The following STPG3 variants were observed in gnomAD, a reference collection of about 807,000 sequenced individuals.
STPG3 encodes protein STPG3.
Under a neutral mutation model 32.5 loss-of-function variants are expected in STPG3, and 39 were observed. That is an observed-to-expected ratio of 1.20 (90% CI 0.93 to 1.57). The LOEUF (loss-of-function observed/expected upper bound fraction) is 1.57. Ranked by LOEUF, STPG3 falls within the 40% of genes most tolerant of loss-of-function variation. STPG3 has a pLI of 0.00. For missense variants in STPG3, 507 were observed against 407.6 expected, an observed-to-expected ratio of 1.24 and a Z score of -2.10; for synonymous variants, 209 against 172.4, an observed-to-expected ratio of 1.21 and a Z score of -1.66.
In STPG3 at chr9:137,252,845, G is replaced by A; in HGVS notation, c.676G>A (p.Gly226Ser). ...GCTTCAGGCCTCTTTGCAGGCACCTGGCAAGAGATGCCCTGGCCCCAACAC... is the reference window on the plus strand; with the variant it reads ...GCTTCAGGCCTCTTTGCAGGCACCTAGCAAGAGATGCCCTGGCCCCAACAC... ...SLLQASLQAP[G>S]KRCPGPNTYN... The change falls in exon 5 of 6, where the codon GGC becomes AGC. Residue 226 changes from glycine (G) to serine (S), a missense_variant. Coordinates refer to ENST00000412566, the MANE Select transcript of STPG3 (RefSeq NM_001004353.4). 3 of 1,575,452 alleles carry A rather than the reference G, an allele frequency of 1.9e-6. No individual in the cohort carries two copies. Among genetic ancestry groups the A allele is most frequent in the Admixed American group, 1.8e-5 (1 of 54,716 alleles).
intron 1 of STPG3, 49 bp from the exon 2 acceptor site, chr9:137,251,689 G>A (rs2131459415): frequency 6.5e-7 from 1 of 1,540,820 alleles, no homozygotes. Flanking sequence ...GGGGCATGTG[G>A]CTGGGAGCGG....
rs748246080 is a variant in STPG3 at position 137,252,909 on chromosome 9, G to A, written c.740G>A (p.Arg247His). The A allele has an allele frequency of 1.3e-4, 212 of 1,598,582 alleles. 18 individuals are homozygous for A. The South Asian group carries it at 2.2e-3, about 17-fold the overall frequency. Residue 247 changes from arginine to histidine, a missense_variant, in exon 5 of 6, where the codon CGC becomes CAC. Arg to His is a conservative substitution (Grantham distance 29). Transcript: ENST00000412566. The part of the protein sequence containing the change: ...ILPGSRLQSP[R>H]SPAFSMSRSP... ...CCTGGGAGCCGCCTGCAGAGCCCCC[G>A]CTCGCCGGCCTTCTCGATGAGCCGC...
At chr9:137,252,233 C>G in intron 3 of STPG3, 98 bp downstream of exon 3, 1 of 1,482,906 alleles carries the variant, frequency 6.7e-7, no homozygotes, top group Non-Finnish European at 9.1e-7. Context: ...GGCCTGAGGG[C>G]CCCTCCACCC....
chr9:137,252,409 C>A, intron 3 of STPG3, 28 bp from the exon 4 acceptor site: 1 of 1,601,022 alleles, frequency 6.2e-7, no homozygotes, highest in Non-Finnish European at 8.5e-7. Context: ...GGCTCCCAGC[C>A]TTCTCTCTCT....
At position 137,253,327 on chromosome 9, in the gene STPG3, G is replaced by T; in HGVS notation, c.*82G>T. ...CGGGGCTTTCCCAGGCCTCCCCTGG[G>T]ACTTGGGGCCCCAGCCTGGCCTTCT... is the stretch of plus-strand genomic sequence containing the variant. On this transcript the variant is annotated 3_prime_UTR_variant, in exon 6 of 6. Transcript: ENST00000412566. 1.3e-6 allele frequency: 2 copies of T among 1,550,604 alleles called. No individual in the cohort carries two copies. Among genetic ancestry groups the T allele is most frequent in the South Asian group, 2.4e-5 (2 of 84,168 alleles).
chr9:137,251,895 T>A lies in STPG3; in HGVS notation c.268T>A (p.Leu90Met), dbSNP rs1294751711. The change falls in exon 2 of 6, where the codon TTG becomes ATG. Residue 90 changes from leucine to methionine, a missense_variant and splice_region_variant. Transcript: ENST00000412566. ...PTYTQTLREL[L>M]LEQRPLITAD... is the part of the protein sequence containing the mutation. ...CTACACCCAGACCCTGAGGGAACTA[T>A]GTGAGTGAGGGTCCTGGCCACCCCA... The A allele has an allele frequency of 6.2e-7, 1 of 1,606,688 alleles. No individual in the cohort carries two copies. Among genetic ancestry groups the A allele is most frequent in the Non-Finnish European group, 8.5e-7 (1 of 1,176,856 alleles).
Position 137,253,369 on chromosome 9 carries a change from C to G in STPG3, c.*124C>G. 1.3e-6 allele frequency: 2 copies of G among 1,534,354 alleles called. No individual in the cohort carries two copies. Among genetic ancestry groups the G allele is most frequent in the Non-Finnish European group, 1.8e-6 (2 of 1,142,526 alleles). On this transcript the variant is annotated 3_prime_UTR_variant, in exon 6 of 6. Transcript: ENST00000412566. ...TGGCCTTCTGACCCTCTGGGCACCCCGATGCACCCTTCTGGCTGGCCAACC... is the reference window on the plus strand; with the variant it reads ...TGGCCTTCTGACCCTCTGGGCACCCGGATGCACCCTTCTGGCTGGCCAACC...
Position 137,252,517 on chromosome 9 carries a change from G to C in STPG3, c.484G>C (p.Glu162Gln), listed in dbSNP as rs375012806. The change falls in exon 4 of 6, where the codon GAG becomes CAG. Residue 162 changes from glutamate to glutamine, a missense_variant. Transcript: ENST00000412566. ...PFTQKADFDQ[E>Q]QKWPSPAHYQ... ...CACGCAGAAAGCTGACTTCGACCAAGAGCAAAAGGTTGGGGGCTGGGCAGG... is the reference window on the plus strand; with the variant it reads ...CACGCAGAAAGCTGACTTCGACCAACAGCAAAAGGTTGGGGGCTGGGCAGG... 39 of 1,573,056 alleles carry C rather than the reference G, an allele frequency of 2.5e-5. No individual in the cohort carries two copies. Among genetic ancestry groups the C allele is most frequent in the Middle Eastern group, 1.7e-4 (1 of 5,950 alleles).
At chr9:137,252,364 G>T in intron 3 of STPG3, 73 bp from the exon 4 acceptor site, 1 of 1,489,792 alleles carries the variant, frequency 6.7e-7, no homozygotes, top group South Asian at 1.2e-5. Flanking sequence ...TGGGAACCGG[G>T]AGACAGGTTC....
In STPG3 at chr9:137,253,389, C is replaced by T. The variant is rs1275494808; in HGVS notation, c.*144C>T. The stretch of plus-strand genomic sequence containing the variant: ...CACCCCGATGCACCCTTCTGGCTGG[C>T]CAACCCTTCTATGGGCTGTGGACAA... On this transcript the variant is annotated 3_prime_UTR_variant, in exon 6 of 6. Coordinates refer to ENST00000412566, the MANE Select transcript of STPG3 (RefSeq NM_001004353.4). The T allele has an allele frequency of 6.6e-7, 1 of 1,507,258 alleles. No homozygotes were observed. 93.4% of individuals were successfully genotyped at this position (1,507,258 alleles called of 1,614,324 possible).
Position 137,252,826 on chromosome 9 carries a change from G to C in STPG3, c.657G>C (p.Gln219His). ...GGGTGCAGCCCCAGTCCCTGCTTCA[G>C]GCCTCTTTGCAGGCACCTGGCAAGA... is the stretch of plus-strand genomic sequence containing the variant. The part of the protein sequence containing the change: ...GLRVQPQSLL[Q>H]ASLQAPGKRC... The change falls in exon 5 of 6, where the codon CAG becomes CAC. Residue 219 changes from glutamine to histidine, a missense_variant. By Grantham distance (24) the Gln-to-His change is conservative. Transcript: ENST00000412566. 1 of 1,569,326 alleles carries C rather than the reference G, an allele frequency of 6.4e-7. No individual in the cohort carries two copies. The highest frequency in any genetic ancestry group is 8.6e-7 in the Non-Finnish European group (1 of 1,157,808).
In STPG3 at chr9:137,251,386, G is replaced by C. The variant is rs1280015895; in HGVS notation, c.100G>C (p.Glu34Gln). 3 of 1,611,856 alleles carry C rather than the reference G, an allele frequency of 1.9e-6. No individual in the cohort carries two copies. Among genetic ancestry groups the C allele is most frequent in the South Asian group, 1.1e-5 (1 of 91,004 alleles). Residue 34 changes from glutamate to glutamine, a missense_variant, in exon 1 of 6, where the codon GAG becomes CAG. Coordinates refer to ENST00000412566, the MANE Select transcript of STPG3 (RefSeq NM_001004353.4). ...THGHLRQTQP[E>Q]PTQPKASVLL... ...TGGTCACCTGAGGCAGACACAACCA[G>C]AGCCCACCCAGTAACTGGCGGAGAG...
chr9:137,251,705 G>T, intron 1 of STPG3, 33 bp from the exon 2 acceptor site: 3 of 1,552,526 alleles, frequency 1.9e-6, no homozygotes, highest in Non-Finnish European at 2.6e-6. Flanking sequence ...AGCGGCCGGG[G>T]GCTGAGACAG....
In STPG3 at chr9:137,252,465, T is replaced by C. The variant is rs968678187; in HGVS notation, c.432T>C (p.Thr144=). The part of the protein sequence containing the change: ...REGGGRRAWQ[T]LWFQSESPFT... The stretch of plus-strand genomic sequence containing the variant: ...GCGGTGGCCGCAGGGCATGGCAGAC[T>C]TTGTGGTTCCAGAGCGAAAGCCCCT... Residue 144 remains threonine (T), a synonymous_variant, in exon 4 of 6, where the codon ACT becomes ACC. Coordinates refer to ENST00000412566, the MANE Select transcript of STPG3 (RefSeq NM_001004353.4). The C allele has an allele frequency of 5.0e-6, 8 of 1,611,286 alleles. No homozygotes were observed. Among genetic ancestry groups the C allele is most frequent in the Non-Finnish European group, 5.9e-6 (7 of 1,178,996 alleles).
intron 1 of STPG3, 135 bp downstream of exon 1, chr9:137,251,531 G>A: frequency 1.1e-6 from 1 of 944,594 alleles, no homozygotes; most frequent in Non-Finnish European, 1.6e-6. Context: ...TGTGGGGCAG[G>A]CGGCTGGGAG....
intron 1 of STPG3, 132 bp from the exon 2 acceptor site, chr9:137,251,606 G>A: frequency 8.4e-7 from 1 of 1,195,884 alleles, no homozygotes; most frequent in Non-Finnish European, 1.2e-6. Context: ...CTGAGGGACA[G>A]TGTGGGGACA....
chr9:137,251,403 G>T lies in STPG3; in HGVS notation c.110+7G>T. On this transcript the variant is annotated splice_region_variant and intron_variant, in intron 1 of 5. Coordinates refer to ENST00000412566, the MANE Select transcript of STPG3 (RefSeq NM_001004353.4). ...CACAACCAGAGCCCACCCAGTAACTGGCGGAGAGGGGGAGAAGGGGCGGGC... is the reference window on the plus strand; with the variant it reads ...CACAACCAGAGCCCACCCAGTAACTTGCGGAGAGGGGGAGAAGGGGCGGGC... The T allele has an allele frequency of 6.3e-7, 1 of 1,599,596 alleles. No individual in the cohort carries two copies. The highest frequency in any genetic ancestry group is 8.6e-7 in the Non-Finnish European group (1 of 1,168,382).
At position 137,252,081 on chromosome 9, in the gene STPG3, CGA is replaced by C; in HGVS notation, c.353_354del (p.Glu118ValfsTer40). The C allele has an allele frequency of 1.2e-6, 2 of 1,612,718 alleles. No homozygotes were observed. The highest frequency in any genetic ancestry group is 1.7e-6 in the Non-Finnish European group (2 of 1,179,628). On this transcript the variant is annotated frameshift_variant, in exon 3 of 6. Coordinates refer to ENST00000412566, the MANE Select transcript of STPG3 (RefSeq NM_001004353.4). LOFTEE classifies it high-confidence loss of function. ...TRYQVPSPSV[R>X]ESSPHPHYSI... is the part of the protein sequence containing the mutation. ...GTACCAGGTGCCGAGCCCGTCCGTA[CGA>C]GAGTCCTCCCCACACCCCCACTACA...
At position 137,251,749 on chromosome 9, in the gene STPG3, C is replaced by G. The variant is rs1223227828; in HGVS notation, c.122C>G (p.Ser41Cys). 1.3e-6 allele frequency: 2 copies of G among 1,570,882 alleles called. No individual in the cohort carries two copies. Among genetic ancestry groups the G allele is most frequent in the Non-Finnish European group, 1.7e-6 (2 of 1,159,234 alleles). ...GGTCTCCCTTGCAGGCCCAAGGCAT[C>G]TGTGCTGTTGTTGGGCCCGGAGCCG... ...TQPEPTQPKASVLLLGPEPGM... is the reference protein window; with the variant it reads ...TQPEPTQPKACVLLLGPEPGM... The change falls in exon 2 of 6, where the codon TCT (serine) becomes TGT (cysteine). Residue 41 changes from serine to cysteine, a missense_variant. Coordinates refer to ENST00000412566, the MANE Select transcript of STPG3 (RefSeq NM_001004353.4).
Sources: allele counts gnomAD v4.1 joint callset, GRCh38; gene constraint gnomAD v4.1.1; transcripts MANE v1.5; gene names NCBI Gene and HGNC (gene_info 2026-07-23, HGNC 2026-07-21).